Variants in COL22A1 observed in about 807,000 individuals in gnomAD.
COL22A1 encodes collagen alpha-1(XXII) chain.
Under a neutral mutation model 248.9 loss-of-function variants are expected in COL22A1, and 221 were observed. The observed-to-expected ratio is 0.89, with a 90% CI of 0.80 to 0.99. The LOEUF (loss-of-function observed/expected upper bound fraction) is 0.99. Among genes scored for constraint, COL22A1 ranks in the 50% least tolerant of loss-of-function variants. COL22A1 has a pLI of 0.00. For synonymous variants in COL22A1, 891 were observed against 793.4 expected, an observed-to-expected ratio of 1.12 and a Z score of -2.07; for missense variants, 2,240 against 2,179.0, an observed-to-expected ratio of 1.03 and a Z score of -0.56.
intron 5 of COL22A1, among the ~76,000 whole-genome samples, chr8:138,832,688 G>T (rs899407835): frequency 2.6e-5 from 4 of 152,184 alleles, no homozygotes; most frequent in Non-Finnish European, 4.4e-5. Context: ...TGCCATGAAT[G>T]CAGTGTCAGG....
chr8:138,822,496 T>C (rs1403188518), intron 6 of COL22A1, among the ~76,000 whole-genome samples: 2 of 152,166 alleles, frequency 1.3e-5, no homozygotes, highest in Admixed American at 1.3e-4. Flanking sequence ...TGCACAAAAG[T>C]ATGAACAGAA....
At chr8:138,851,591 C>T in intron 3 of COL22A1, among the ~76,000 whole-genome samples, 1 of 152,158 alleles carries the variant, frequency 6.6e-6, no homozygotes, top group East Asian at 1.9e-4. Context: ...GGGAATGGCT[C>T]AAGAACCAAG....
At chr8:138,752,915 A>G (rs887498426) in intron 21 of COL22A1, among the ~76,000 whole-genome samples, 8 of 152,268 alleles carry the variant, frequency 5.3e-5, no homozygotes, top group Non-Finnish European at 1.2e-4. Flanking sequence ...GAGAAGTGAC[A>G]GTTGATATCA....
intron 16 of COL22A1, among the ~76,000 whole-genome samples, chr8:138,771,748 G>A (rs762665036): frequency 2.6e-5 from 4 of 152,310 alleles, no homozygotes; most frequent in Non-Finnish European, 4.4e-5. Context: ...ACCTTCCAAC[G>A]GCTTCAGAGA....
chr8:138,616,906 C>T lies in COL22A1; in HGVS notation c.3870+8G>A. 3 of 1,614,090 alleles carry T rather than the reference C, an allele frequency of 1.9e-6. No individual in the cohort carries two copies. The highest frequency in any genetic ancestry group is 2.5e-6 in the Non-Finnish European group (3 of 1,180,028). ...TGGGGGGACCTCCAAAGTGAGGCGC[C>T]CACTTACCCGGGGACCGGGTGCACC... On this transcript the variant is annotated splice_region_variant and intron_variant, in intron 54 of 64. Coordinates refer to ENST00000303045, the MANE Select transcript of COL22A1 (RefSeq NM_152888.3).
At chr8:138,705,657 G>A (rs1828365632) in intron 30 of COL22A1, among the ~76,000 whole-genome samples, 1 of 152,130 alleles carries the variant, frequency 6.6e-6, no homozygotes, top group Non-Finnish European at 1.5e-5. Flanking sequence ...GGAATAACCG[G>A]TACCAGCCAC....
intron 47 of COL22A1, among the ~76,000 whole-genome samples, chr8:138,641,194 G>A (rs1268993690): frequency 6.6e-6 from 1 of 152,156 alleles, no homozygotes; most frequent in Admixed American, 6.5e-5. Flanking sequence ...AGTGGCTCTG[G>A]GTTATTTTCT....
intron 4 of COL22A1, among the ~76,000 whole-genome samples, chr8:138,843,001 C>T (rs1310436584): frequency 6.6e-6 from 1 of 152,132 alleles, no homozygotes; most frequent in Non-Finnish European, 1.5e-5. Context: ...ATGACTGCCC[C>T]TAGGAAACTC....
In COL22A1 at chr8:138,655,925, G is replaced by A; in HGVS notation, c.3305C>T (p.Ser1102Phe). 1.9e-6 allele frequency: 3 copies of A among 1,612,548 alleles called. No individual in the cohort carries two copies. The highest frequency in any genetic ancestry group is 1.7e-6 in the Non-Finnish European group (2 of 1,178,644). Reference sequence around the variant, plus strand: ...AGCCAAGAGATTTATGTCCCCTGGAGACAGTAGTGAAGAGAGGCCCTGTCA... The same window carrying A: ...AGCCAAGAGATTTATGTCCCCTGGAAACAGTAGTGAAGAGAGGCCCTGTCA... ...PGKPGLSSLL[S>F]PGDINLLAKD... The change falls in exon 45 of 65, where the codon TCT (serine) becomes TTT (phenylalanine). Residue 1102 changes from serine (S) to phenylalanine (F), a missense_variant. By Grantham distance (155) the Ser-to-Phe change is radical. Coordinates refer to ENST00000303045, the MANE Select transcript of COL22A1 (RefSeq NM_152888.3).
intron 41 of COL22A1, among the ~76,000 whole-genome samples, chr8:138,668,697 A>G (rs4380981): frequency 0.58 from 87,639 of 151,836 alleles, 26,811 homozygotes; most frequent in Middle Eastern, 0.71. Context: ...AGTACCTCAC[A>G]TGTGTGCAGG....
At chr8:138,876,911 C>G (rs1354474968) in intron 3 of COL22A1, among the ~76,000 whole-genome samples, 1 of 152,246 alleles carries the variant, frequency 6.6e-6, no homozygotes, top group Non-Finnish European at 1.5e-5. Context: ...GATTACTCAG[C>G]ACCCACTGTG....
rs145379751 is a variant in COL22A1 at position 138,892,773 on chromosome 8, A to T, written c.-72-9529T>A. ...ACACTGAGCAGAAAGCAATTTAGAGAGAGAAAATGAGATTCGGCAGATTGC... is the reference window on the plus strand; with the variant it reads ...ACACTGAGCAGAAAGCAATTTAGAGTGAGAAAATGAGATTCGGCAGATTGC... On this transcript the variant is annotated intron_variant, in intron 1 of 64. Transcript: ENST00000303045. Among the ~76,000 whole-genome samples, 248 of 152,304 alleles carry T rather than the reference A, an allele frequency of 1.6e-3. 1 individual carries two copies. Among genetic ancestry groups the T allele is most frequent in the African/African-American group, 4.9e-3 (205 of 41,564 alleles).
chr8:138,825,436 T>C (rs1391709254), intron 6 of COL22A1, among the ~76,000 whole-genome samples: 3 of 152,198 alleles, frequency 2.0e-5, no homozygotes, highest in Non-Finnish European at 4.4e-5. Context: ...TCTTATTACC[T>C]GTCAAAAGGT....
At chr8:138,703,245 G>C in intron 31 of COL22A1, 61 bp downstream of exon 31, 2 of 1,395,766 alleles carry the variant, frequency 1.4e-6, no homozygotes, top group Non-Finnish European at 2.0e-6. Context: ...TTGCTGGAGG[G>C]GGAGTACGAA....
intron 21 of COL22A1, among the ~76,000 whole-genome samples, chr8:138,754,947 G>T (rs1449032123): frequency 2.6e-5 from 4 of 152,192 alleles, no homozygotes; most frequent in Non-Finnish European, 5.9e-5. Context: ...TCCACACATG[G>T]CAGCTGCCTG....
chr8:138,845,708 T>C (rs1361842502), intron 3 of COL22A1, among the ~76,000 whole-genome samples: 3 of 152,126 alleles, frequency 2.0e-5, no homozygotes, highest in Admixed American at 6.6e-5. Flanking sequence ...CGTGGGCACC[T>C]GTGGCATGGG....
intron 22 of COL22A1, among the ~76,000 whole-genome samples, chr8:138,749,859 A>G (rs1361485830): frequency 6.6e-6 from 1 of 152,120 alleles, no homozygotes; most frequent in East Asian, 1.9e-4. Flanking sequence ...AGGGGTGGGG[A>G]TGCTGAATGG....
chr8:138,590,714 C>T (rs1213650514), intron 64 of COL22A1, among the ~76,000 whole-genome samples: 1 of 152,044 alleles, frequency 6.6e-6, no homozygotes, highest in Non-Finnish European at 1.5e-5. Context: ...AAATAGAAGC[C>T]TCAAAAGTCA....
chr8:138,636,792 T>A lies in COL22A1; in HGVS notation c.3505A>T (p.Ser1169Cys). 2.5e-6 allele frequency: 4 copies of A among 1,612,962 alleles called. No homozygotes were observed. Among genetic ancestry groups the A allele is most frequent in the Non-Finnish European group, 3.4e-6 (4 of 1,179,164 alleles). ...CCATCTGCACCACGTTCTCCTTGAC[T>A]TCCCTTGAAAGGAAAAAAAAGAAAA... ...GPPGIAGPQG[S>C]QGERGADGEV... The change falls in exon 48 of 65, where the codon AGT becomes TGT. Residue 1169 changes from serine (S) to cysteine (C), a missense_variant. Ser to Cys is a moderately radical substitution (Grantham distance 112). Coordinates refer to ENST00000303045, the MANE Select transcript of COL22A1 (RefSeq NM_152888.3).
Sources: allele counts gnomAD v4.1 joint callset (sites outside exome capture counted in the v4.1 genomes callset), GRCh38; gene constraint gnomAD v4.1.1; transcripts MANE v1.5; gene names NCBI Gene and HGNC (gene_info 2026-07-23, HGNC 2026-07-21).